Variants in C12orf56 observed in about 807,000 individuals in gnomAD.
C12orf56 encodes chromosome 12 open reading frame 56, also known as uncharacterized protein C12orf56.
A neutral mutation model predicts 69.9 loss-of-function variants in C12orf56; 71 were observed. The observed-to-expected ratio is 1.02, with a 90% CI of 0.84 to 1.24. The LOEUF is 1.24. Ranked by LOEUF, C12orf56 falls within the 50% of genes most tolerant of loss-of-function variation. C12orf56 has a pLI of 0.00. For synonymous variants in C12orf56, 276 were observed against 274.1 expected (o/e 1.01, Z -0.07); for missense variants, 732 against 738.5 (o/e 0.99, Z 0.10).
chr12:64,386,607 G>T (rs893150958), intron 1 of C12orf56, among the ~76,000 whole-genome samples: 2 of 151,868 alleles, frequency 1.3e-5, no homozygotes, highest in Admixed American at 1.3e-4. Flanking sequence ...TGTTGGTCAG[G>T]CTGGTCTCAA....
intron 1 of C12orf56, among the ~76,000 whole-genome samples, chr12:64,357,899 C>CA (rs1192429439): frequency 1.5e-4 from 22 of 143,490 alleles, no homozygotes; most frequent in South Asian, 1.1e-3. Flanking sequence ...GACTCCATCT[C>CA]AAAAAAAAAG....
chr12:64,323,564 C>CTTTTTTTTT (rs1196521648), intron 3 of C12orf56, among the ~76,000 whole-genome samples: 9 of 90,002 alleles, frequency 1.0e-4, no homozygotes, highest in African/African-American at 1.5e-4. Context: ...GCAAACATTT[C>CTTTTTTTTT]CTTTTTTTTT....
chr12:64,314,630 C>T (rs1164880406), intron 4 of C12orf56, among the ~76,000 whole-genome samples: 1 of 151,848 alleles, frequency 6.6e-6, no homozygotes, highest in Non-Finnish European at 1.5e-5. Flanking sequence ...GTTGATTTGA[C>T]ACTGCAGACA....
Position 64,376,971 on chromosome 12 carries a change from C to T in C12orf56, c.252+13343G>A, listed in dbSNP as rs1271810565. Among the ~76,000 whole-genome samples the T allele has an allele frequency of 2.6e-5, 4 of 151,988 alleles. No homozygotes were observed. The East Asian group carries it at 5.8e-4, about 22-fold the overall frequency. On this transcript the variant is annotated intron_variant, in intron 1 of 12. Transcript: ENST00000543942. ...TCCACAATGATTCAATTAATTTACA[C>T]TACCACCAACATTGTAAAAGGGTTC...
At chr12:64,331,077 T>C (rs2038924464) in intron 2 of C12orf56, 45 bp from the exon 3 acceptor site, 1 of 1,431,106 alleles carries the variant, frequency 7.0e-7, no homozygotes, top group Non-Finnish European at 9.5e-7. Context: ...AATAATTTGA[T>C]TGAAATTATG....
chr12:64,284,718 A>G lies in C12orf56; in HGVS notation c.1256T>C (p.Met419Thr), dbSNP rs766673312. 1.6e-5 allele frequency: 26 copies of G among 1,611,562 alleles called. No homozygotes were observed. Among genetic ancestry groups the G allele is most frequent in the South Asian group, 1.3e-4 (12 of 90,112 alleles). Residue 419 changes from methionine to threonine, a missense_variant, in exon 8 of 13, where the codon ATG (methionine) becomes ACG (threonine). Coordinates refer to ENST00000543942, the MANE Select transcript of C12orf56 (RefSeq NM_001170633.2). The stretch of plus-strand genomic sequence containing the variant: ...TGACTCGGTTTCTGTTTCTCTGAAC[A>G]TCAATACTAGGGTCTGTATAATTTC... Reference protein sequence around the residue: ...CIEIIQTLVLMFRETETESSR... With the variant: ...CIEIIQTLVLTFRETETESSR...
At chr12:64,310,088 G>A (rs1343886730) in intron 5 of C12orf56, among the ~76,000 whole-genome samples, 3 of 151,594 alleles carry the variant, frequency 2.0e-5, no homozygotes, top group Non-Finnish European at 4.4e-5. Flanking sequence ...TGCAATCGCA[G>A]CTTATTACAG....
chr12:64,347,435 G>T (rs1164755949), intron 2 of C12orf56, among the ~76,000 whole-genome samples: 1 of 151,914 alleles, frequency 6.6e-6, no homozygotes, highest in East Asian at 1.9e-4. Flanking sequence ...ACAGGTGCAT[G>T]CCACCACGCC....
chr12:64,328,871 C>G (rs955103124), intron 3 of C12orf56, among the ~76,000 whole-genome samples: 2 of 150,482 alleles, frequency 1.3e-5, no homozygotes, highest in Non-Finnish European at 3.0e-5. Flanking sequence ...TGAGATCAGC[C>G]CGGTCAACAT....
At chr12:64,344,804 A>C (rs1425787985) in intron 2 of C12orf56, among the ~76,000 whole-genome samples, 1 of 152,112 alleles carries the variant, frequency 6.6e-6, no homozygotes, top group Non-Finnish European at 1.5e-5. Flanking sequence ...CCACCATCCC[A>C]AACTCCCTAA....
chr12:64,313,957 C>T (rs944660343), intron 4 of C12orf56, among the ~76,000 whole-genome samples: 1 of 147,218 alleles, frequency 6.8e-6, no homozygotes, highest in African/African-American at 2.5e-5. Context: ...GCAGGAGAAT[C>T]GCTTGAACCT....
At chr12:64,281,639 A>G (rs1342500011) in intron 8 of C12orf56, among the ~76,000 whole-genome samples, 1 of 152,208 alleles carries the variant, frequency 6.6e-6, no homozygotes, top group Non-Finnish European at 1.5e-5. Context: ...ACGTAATACT[A>G]TGGGGCACAT....
At position 64,274,900 on chromosome 12, in the gene C12orf56, C is replaced by G. The variant is rs750571502; in HGVS notation, c.1584+1G>C. On this transcript the variant is annotated splice_donor_variant, in intron 11 of 12. Coordinates refer to ENST00000543942, the MANE Select transcript of C12orf56 (RefSeq NM_001170633.2). LOFTEE classifies it high-confidence loss of function. ...TTTCGTTTTGACTTCTAGATACTTA[C>G]GATGGGAGGACAGCTTTGTAGAAAG... 25 of 1,604,142 alleles carry G rather than the reference C, an allele frequency of 1.6e-5. No individual in the cohort carries two copies. The highest frequency in any genetic ancestry group is 2.2e-5 in the East Asian group (1 of 44,706).
intron 5 of C12orf56, 104 bp from the exon 6 acceptor site, chr12:64,303,883 G>A: frequency 7.8e-7 from 1 of 1,279,128 alleles, no homozygotes. Context: ...GTTACTAATG[G>A]GATTTTAATA....
rs2037914482 is a variant in C12orf56, at chr12:64,265,708, C to G, written c.*1475G>C. The G allele has an allele frequency of 6.6e-6, 1 of 152,254 alleles. No individual in the cohort carries two copies. The highest frequency in any genetic ancestry group is 2.1e-4 in the South Asian group (1 of 4,834). 9.4% of individuals were successfully genotyped at this position (152,254 alleles called of 1,614,324 possible). ...CACAGGCGAATCTGGCTTAGGAACT[C>G]TTTCTTTGGAAGTAGATTTTTCTCT... On this transcript the variant is annotated 3_prime_UTR_variant, in exon 13 of 13. Coordinates refer to ENST00000543942, the MANE Select transcript of C12orf56 (RefSeq NM_001170633.2).
At chr12:64,333,647 G>A (rs553192966) in intron 2 of C12orf56, among the ~76,000 whole-genome samples, 3 of 152,140 alleles carry the variant, frequency 2.0e-5, no homozygotes, top group East Asian at 1.9e-4. Flanking sequence ...GATTACAGGC[G>A]CTTGCCACCA....
intron 2 of C12orf56, among the ~76,000 whole-genome samples, chr12:64,352,118 T>A: frequency 4.9e-5 from 2 of 40,628 alleles, no homozygotes; most frequent in Admixed American, 7.1e-4. Context: ...TTTTTTTTGT[T>A]TTTTTTTTTA....
At chr12:64,279,285 G>A (rs898498011) in intron 8 of C12orf56, among the ~76,000 whole-genome samples, 1 of 152,066 alleles carries the variant, frequency 6.6e-6, no homozygotes, top group African/African-American at 2.4e-5. Context: ...CCAATGTGGG[G>A]TACCGTCCAT....
chr12:64,385,070 AG>A (rs773476066), intron 1 of C12orf56, among the ~76,000 whole-genome samples: 281 of 151,846 alleles, frequency 1.9e-3, no homozygotes, highest in Non-Finnish European at 3.2e-3. Flanking sequence ...AAAAAAAAAA[AG>A]TGTCTAACCT....
Sources: allele counts gnomAD v4.1 joint callset (sites outside exome capture counted in the v4.1 genomes callset), GRCh38; gene constraint gnomAD v4.1.1; transcripts MANE v1.5; gene names NCBI Gene and HGNC (gene_info 2026-07-23, HGNC 2026-07-21).